MBTPS2: variants seen among roughly 807,000 people sequenced by gnomAD.
MBTPS2 encodes the protein membrane-bound transcription factor site-2 protease.
MBTPS2 carries 2 observed loss-of-function variants against 35.4 expected under a neutral mutation model. The observed-to-expected ratio is 0.06, with a 90% CI of 0.02 to 0.18. MBTPS2 has a LOEUF of 0.18. Among genes scored for constraint, MBTPS2 ranks in the 10% least tolerant of loss-of-function variants. The probability of loss-of-function intolerance (pLI) is 1.00; values close to 1 mark genes in which losing one functional copy is unlikely to be tolerated. For missense variants in MBTPS2, 244 were observed against 386.5 expected (o/e 0.63, Z 3.09); for synonymous variants, 125 against 140.4 (o/e 0.89, Z 0.77).
At chrX:21,872,190 G>A (rs2092948013) in intron 7 of MBTPS2, 1 of 111,093 alleles carries the variant, frequency 9.0e-6, no homozygotes, top group Non-Finnish European at 1.9e-5. Flanking sequence ...TTTTCTTTTG[G>A]TTTCTCTAAA....
At chrX:21,867,731 C>T (rs754170526) in intron 5 of MBTPS2, among the ~76,000 whole-genome samples, 4 of 107,838 alleles carry the variant, frequency 3.7e-5, no homozygotes, top group Non-Finnish European at 5.8e-5. Context: ...CTCCGCTTCC[C>T]GGGTTCAAGC....
In MBTPS2 at chrX:21,882,925, CAAATTCATGT is replaced by C; in HGVS notation, c.*273_*282del. On this transcript the variant is annotated 3_prime_UTR_variant, in exon 11 of 11. Coordinates refer to ENST00000379484, the MANE Select transcript of MBTPS2 (RefSeq NM_015884.4). Reference sequence around the variant, plus strand: ...TTGTGGAATAATATCTAAGCAAGTGCAAATTCATGTAATACCGTTTTGTCTGATTACATAT... The same window carrying C: ...TTGTGGAATAATATCTAAGCAAGTGCAATACCGTTTTGTCTGATTACATAT... The C allele has an allele frequency of 1.0e-6, 1 of 998,282 alleles. No homozygotes were observed. The highest frequency in any genetic ancestry group is 1.3e-6 in the Non-Finnish European group (1 of 787,564). The allele number at this position is 998,282 out of a possible 1,213,427, so 82.3% of individuals were successfully genotyped here. A position where few individuals can be genotyped will look rare whatever the true frequency, so the allele number is the denominator to read the frequency against.
intron 5 of MBTPS2, among the ~76,000 whole-genome samples, chrX:21,863,242 TG>T (rs1319646558): frequency 1.1e-5 from 1 of 87,962 alleles, no homozygotes; most frequent in Non-Finnish European, 2.2e-5. Flanking sequence ...CACTCCAGCC[TG>T]GGCGACAGTG....
intron 1 of MBTPS2, among the ~76,000 whole-genome samples, chrX:21,841,484 G>A (rs2092902565): frequency 9.1e-6 from 1 of 110,355 alleles, no homozygotes; most frequent in Admixed American, 9.6e-5. Flanking sequence ...AGCAATACAG[G>A]CCACAATGAT....
intron 7 of MBTPS2, among the ~76,000 whole-genome samples, chrX:21,874,617 G>A (rs778813070): frequency 2.7e-5 from 3 of 111,101 alleles, no homozygotes; most frequent in Non-Finnish European, 3.8e-5. Flanking sequence ...GACTATCTTC[G>A]GGCTCATCTT....
At chrX:21,869,821 C>G in intron 7 of MBTPS2, 143 bp downstream of exon 7, 1 of 493,444 alleles carries the variant, frequency 2.0e-6, no homozygotes. Flanking sequence ...AACCAATAGA[C>G]ATTTTTCTTG....
Position 21,882,690 on chromosome X carries a change from A to C in MBTPS2, c.*35A>C, listed in dbSNP as rs749482732. On this transcript the variant is annotated 3_prime_UTR_variant, in exon 11 of 11. Transcript: ENST00000379484. ...TCATCTGACAGAATCCCTGAGTTAC[A>C]GTATACAGCTATGTGGTAATATTCA... The C allele has an allele frequency of 5.5e-5, 66 of 1,205,513 alleles. No individual in the cohort carries two copies. Among genetic ancestry groups the C allele is most frequent in the Non-Finnish European group, 7.1e-5 (63 of 891,919 alleles).
At chrX:21,861,098 ACT>A (rs2092930871) in intron 5 of MBTPS2, among the ~76,000 whole-genome samples, 1 of 112,149 alleles carries the variant, frequency 8.9e-6, no homozygotes, top group Non-Finnish European at 1.9e-5. Flanking sequence ...TAATAAGACA[ACT>A]CAATCAAAAA....
intron 7 of MBTPS2, chrX:21,871,473 T>G (rs763354246): frequency 3.6e-5 from 4 of 111,927 alleles, no homozygotes; most frequent in Admixed American, 1.9e-4. Context: ...GGAAGTATTT[T>G]AAAGTACATC....
chrX:21,853,641 C>A, intron 5 of MBTPS2, 138 bp downstream of exon 5: 3 of 571,706 alleles, frequency 5.2e-6, no homozygotes, highest in South Asian at 2.9e-5. Flanking sequence ...AAGACCCCTT[C>A]AAAAGTAGAG....
rs953477986 is a variant in MBTPS2, at chrX:21,877,987, G to A, written c.971-55G>A. 89 of 800,214 alleles carry A rather than the reference G, an allele frequency of 1.1e-4. No homozygotes were observed. In the East Asian group the frequency reaches 2.8e-3, roughly 25 times the overall value. The allele number at this position is 800,214 out of a possible 1,213,427, so 65.9% of individuals were successfully genotyped here. On this transcript the variant is annotated intron_variant, in intron 7 of 10. Transcript: ENST00000379484. ...TCTTTTTGTCTTAAAGGCATTTTTT[G>A]TTACAAATGTATTTTTATATAAGAG...
intron 5 of MBTPS2, among the ~76,000 whole-genome samples, chrX:21,865,198 A>T (rs1396827656): frequency 2.0e-5 from 2 of 101,133 alleles, no homozygotes; most frequent in African/African-American, 3.6e-5. Flanking sequence ...CTATTTCTTT[A>T]AAAAAAAAAA....
intron 1 of MBTPS2, chrX:21,841,714 G>T (rs1488271241): frequency 8.9e-6 from 1 of 112,317 alleles, no homozygotes; most frequent in African/African-American, 3.2e-5. Flanking sequence ...AGTCACAAGT[G>T]TGTGAGGTGA....
chrX:21,842,552 G>A (rs768855653), intron 1 of MBTPS2, among the ~76,000 whole-genome samples: 1 of 110,783 alleles, frequency 9.0e-6, no homozygotes, highest in East Asian at 2.8e-4. Flanking sequence ...GAGATGTGCT[G>A]TAAGTATAAA....
At chrX:21,857,095 C>T (rs753555960) in intron 5 of MBTPS2, 6 of 1,209,846 alleles carry the variant, frequency 5.0e-6, no homozygotes, top group Non-Finnish European at 6.7e-6. Context: ...GAAGGCCAGG[C>T]TGAAAACCCA....
intron 5 of MBTPS2, among the ~76,000 whole-genome samples, chrX:21,853,926 C>G (rs902047426): frequency 9.0e-6 from 1 of 111,167 alleles, no homozygotes; most frequent in Admixed American, 9.6e-5. Flanking sequence ...AGAGTTCAAT[C>G]AGAGAAACAG....
At chrX:21,860,667 TAGTC>T (rs2092930335) in intron 5 of MBTPS2, among the ~76,000 whole-genome samples, 1 of 111,385 alleles carries the variant, frequency 9.0e-6, no homozygotes, top group South Asian at 3.8e-4. Context: ...ACTACACAAA[TAGTC>T]AAGGAATCAG....
chrX:21,879,345 A>G (rs1336590631), intron 9 of MBTPS2, among the ~76,000 whole-genome samples: 1 of 111,501 alleles, frequency 9.0e-6, no homozygotes. Flanking sequence ...CAGTGGCTCA[A>G]TCTTGGCTCA....
At chrX:21,846,763 T>C (rs751323755) in intron 3 of MBTPS2, among the ~76,000 whole-genome samples, 15 of 111,821 alleles carry the variant, frequency 1.3e-4, no homozygotes, top group Non-Finnish European at 2.8e-4. Context: ...GGTGGGAGGA[T>C]AGGTGGGACT....
Sources: gnomAD v4.1 joint callset for allele counts (sites outside exome capture counted in the v4.1 genomes callset) on GRCh38, gnomAD v4.1.1 for gene constraint, MANE v1.5 for transcripts, NCBI Gene and HGNC (gene_info 2026-07-23, HGNC 2026-07-21) for gene names.